The following GNB1 variants were observed in gnomAD, a reference collection of about 807,000 sequenced individuals.
GNB1 encodes G protein subunit beta 1.
In GNB1, 2 loss-of-function variants were observed where a neutral mutation model predicts 42.9. The ratio of observed to expected loss-of-function variants is 0.05; its 90% CI spans 0.02 to 0.15. The LOEUF (loss-of-function observed/expected upper bound fraction) is 0.15. Among genes scored for constraint, GNB1 ranks in the 10% least tolerant of loss-of-function variants. The probability of loss-of-function intolerance (pLI) is 1.00; values close to 1 mark genes in which losing one functional copy is unlikely to be tolerated. For missense variants in GNB1, 193 were observed against 462.2 expected, an observed-to-expected ratio of 0.42 and a Z score of 5.34; for synonymous variants, 183 against 174.7, an observed-to-expected ratio of 1.05 and a Z score of -0.38.
At chr1:1,860,618 C>T (rs950364864) in intron 1 of GNB1, among the ~76,000 whole-genome samples, 2 of 139,110 alleles carry the variant, frequency 1.4e-5, no homozygotes, top group East Asian at 2.1e-4. Flanking sequence ...GCCTGGGCAA[C>T]AGAGCAAGAC....
intron 1 of GNB1, among the ~76,000 whole-genome samples, chr1:1,864,597 C>T (rs1377302421): frequency 1.3e-5 from 2 of 152,132 alleles, no homozygotes; most frequent in Admixed American, 6.6e-5. Context: ...TAACAGAAAC[C>T]TGACATTCCT....
intron 5 of GNB1, among the ~76,000 whole-genome samples, chr1:1,807,463 G>GGAAAA (rs1369704288): frequency 1.6e-4 from 4 of 25,580 alleles, no homozygotes; most frequent in South Asian, 1.6e-3. Context: ...GATCCTGACT[G>GGAAAA]AAAAAAAAAA....
chr1:1,867,153 G>A (rs997155275), intron 1 of GNB1, among the ~76,000 whole-genome samples: 5 of 152,108 alleles, frequency 3.3e-5, no homozygotes, highest in African/African-American at 1.2e-4. Context: ...TATAATCCCA[G>A]CTACTCGGGA....
intron 3 of GNB1, chr1:1,825,106 G>A (rs1034871910): frequency 3.2e-6 from 1 of 312,494 alleles, no homozygotes; most frequent in Admixed American, 4.8e-5. Flanking sequence ...CAGTGGCCCA[G>A]GGTATCACAA....
At chr1:1,803,831 A>T (rs1461878722) in intron 7 of GNB1, among the ~76,000 whole-genome samples, 2 of 151,900 alleles carry the variant, frequency 1.3e-5, no homozygotes, top group African/African-American at 4.8e-5. Context: ...AAAATACAAA[A>T]ATTAGCTGGG....
chr1:1,837,931 G>C lies in GNB1; in HGVS notation c.-47+1259C>G, dbSNP rs895074900. The stretch of plus-strand genomic sequence containing the variant: ...AATATCCAATTGACTAACCAGGCGT[G>C]GTGGCTCACGCCTGTAATCCCACAG... On this transcript the variant is annotated intron_variant, in intron 2 of 11. Transcript: ENST00000378609. Among the ~76,000 whole-genome samples, 5 of 152,164 alleles carry C rather than the reference G, an allele frequency of 3.3e-5. No homozygotes were observed. The East Asian group carries it at 9.8e-4, about 30-fold the overall frequency.
At chr1:1,823,033 G>A (rs1239737509) in intron 3 of GNB1, among the ~76,000 whole-genome samples, 2 of 151,844 alleles carry the variant, frequency 1.3e-5, no homozygotes, top group Non-Finnish European at 2.9e-5. Context: ...ACGAGGTCAG[G>A]AGATCGAGAC....
At chr1:1,832,401 C>T (rs1391862806) in intron 2 of GNB1, 1 of 152,144 alleles carries the variant, frequency 6.6e-6, no homozygotes, top group African/African-American at 2.4e-5. Flanking sequence ...CTAAGACAGG[C>T]TCTGCTAAGG....
At chr1:1,793,187 G>A in intron 8 of GNB1, 58 bp downstream of exon 8, 1 of 1,007,786 alleles carries the variant, frequency 9.9e-7, no homozygotes. Flanking sequence ...GTTCACAGAG[G>A]AATGTGCCAG....
chr1:1,857,909 A>T (rs532198156), intron 1 of GNB1, among the ~76,000 whole-genome samples: 4 of 152,292 alleles, frequency 2.6e-5, no homozygotes, highest in African/African-American at 9.6e-5. Context: ...TACCGTAATA[A>T]AAGTTATGGG....
rs1358431199 is a variant in GNB1, at chr1:1,785,744, T to C, written c.*1319A>G. 1 of 359,576 alleles carries C rather than the reference T, an allele frequency of 2.8e-6. No homozygotes were observed. The highest frequency in any genetic ancestry group is 2.1e-5 in the African/African-American group (1 of 47,612). 22.3% of individuals were successfully genotyped at this position (359,576 alleles called of 1,614,324 possible). ...AGGAGGGCAGGCTCTTCACTCCCTCTCCCTCCCTCTCTCTCCCTCCCCACC... is the reference window on the plus strand; with the variant it reads ...AGGAGGGCAGGCTCTTCACTCCCTCCCCCTCCCTCTCTCTCCCTCCCCACC... On this transcript the variant is annotated 3_prime_UTR_variant, in exon 12 of 12. Transcript: ENST00000378609.
At chr1:1,820,356 T>TA (rs35466451) in intron 3 of GNB1, among the ~76,000 whole-genome samples, 8,493 of 101,768 alleles carry the variant, frequency 0.083, 359 homozygotes, top group Non-Finnish European at 0.11. Flanking sequence ...AGACTCTGTT[T>TA]AAAAAAAAAA....
At chr1:1,866,079 C>T (rs1234003105) in intron 1 of GNB1, among the ~76,000 whole-genome samples, 2 of 152,130 alleles carry the variant, frequency 1.3e-5, no homozygotes, top group African/African-American at 4.8e-5. Context: ...GCTGGGATTA[C>T]AGGCATGCAC....
In GNB1 at chr1:1,863,887, T is replaced by C. The variant is rs184108252; in HGVS notation, c.-95-24649A>G. Among the ~76,000 whole-genome samples the C allele has an allele frequency of 4.2e-3, 641 of 152,288 alleles. 3 individuals are homozygous for C. The highest frequency in any genetic ancestry group is 0.013 in the African/African-American group (542 of 41,558). On this transcript the variant is annotated intron_variant, in intron 1 of 11. Coordinates refer to ENST00000378609, the MANE Select transcript of GNB1 (RefSeq NM_002074.5). ...AACAATGTTTCTGTGGGAGGTGGTG[T>C]TGCACAGTGACTGAAAACAAGAGGG...
At chr1:1,841,684 T>A (rs1340351103) in intron 1 of GNB1, among the ~76,000 whole-genome samples, 1 of 152,232 alleles carries the variant, frequency 6.6e-6, no homozygotes. Flanking sequence ...CTGTGAATTC[T>A]AATTCATTTA....
intron 2 of GNB1, among the ~76,000 whole-genome samples, chr1:1,831,712 G>A (rs979514231): frequency 1.3e-5 from 2 of 151,484 alleles, no homozygotes; most frequent in Non-Finnish European, 2.9e-5. Context: ...GCCTCCCAAA[G>A]TACTGGGATT....
chr1:1,843,312 T>C (rs1647423668), intron 1 of GNB1, among the ~76,000 whole-genome samples: 1 of 152,192 alleles, frequency 6.6e-6, no homozygotes, highest in East Asian at 1.9e-4. Flanking sequence ...TTCGACTTCC[T>C]GGGCTAAGGT....
chr1:1,799,937 A>G (rs1428750473), intron 7 of GNB1, among the ~76,000 whole-genome samples: 1 of 152,240 alleles, frequency 6.6e-6, no homozygotes, highest in African/African-American at 2.4e-5. Context: ...CTGACCAGAT[A>G]TCCGACACCT....
rs371901409 is a variant in GNB1 at position 1,843,783 on chromosome 1, A to G, written c.-95-4545T>C. 4.6e-5 allele frequency among the ~76,000 whole-genome samples: 7 copies of G among 152,260 alleles called. No homozygotes were observed. In the East Asian group the frequency reaches 1.4e-3, roughly 29 times the overall value. ...AAACCAGTAGCACTACCCTTAAAGA[A>G]CATCAGGAGCTGGGCTCGCACCTCC... is the stretch of plus-strand genomic sequence containing the variant. On this transcript the variant is annotated intron_variant, in intron 1 of 11. Coordinates refer to ENST00000378609, the MANE Select transcript of GNB1 (RefSeq NM_002074.5).
Sources: allele counts gnomAD v4.1 joint callset (sites outside exome capture counted in the v4.1 genomes callset), GRCh38; gene constraint gnomAD v4.1.1; transcripts MANE v1.5; gene names NCBI Gene and HGNC (gene_info 2026-07-23, HGNC 2026-07-21).